CHRDL1: variants seen among roughly 807,000 people sequenced by gnomAD.
CHRDL1 encodes chordin-like protein 1.
CHRDL1 carries 19 observed loss-of-function variants against 40.9 expected under a neutral mutation model. The observed-to-expected ratio is 0.46, with a 90% CI of 0.32 to 0.68. CHRDL1 has a LOEUF of 0.68. Among genes scored for constraint, CHRDL1 ranks in the 30% least tolerant of loss-of-function variants. The pLI, the probability that CHRDL1 is intolerant of heterozygous loss-of-function variation, is 0.03. For missense variants in CHRDL1, 329 were observed against 352.1 expected (o/e 0.93, Z 0.53); for synonymous variants, 136 against 123.4 (o/e 1.10, Z -0.68).
intron 4 of CHRDL1, among the ~76,000 whole-genome samples, chrX:110,751,069 C>T (rs1390793366): frequency 9.0e-6 from 1 of 111,359 alleles, no homozygotes; most frequent in African/African-American, 3.3e-5. Context: ...CTCAATCCGA[C>T]TGCATCAGAA....
intron 5 of CHRDL1, among the ~76,000 whole-genome samples, chrX:110,721,005 G>A (rs1380961893): frequency 8.9e-6 from 1 of 111,882 alleles, no homozygotes; most frequent in Non-Finnish European, 1.9e-5. Flanking sequence ...ATTGGAGTGA[G>A]TGGCCCTAGA....
intron 8 of CHRDL1, among the ~76,000 whole-genome samples, chrX:110,690,687 T>C (rs1179680909): frequency 6.3e-5 from 7 of 111,319 alleles, no homozygotes; most frequent in Admixed American, 5.8e-4. Context: ...AGGAAAGTGA[T>C]AAGTCAAGAT....
Position 110,676,126 on chromosome X carries a change from T to C in CHRDL1, c.*105A>G, listed in dbSNP as rs1285670951. 1.2e-6 allele frequency: 1 copy of C among 835,704 alleles called. No homozygotes were observed. The highest frequency in any genetic ancestry group is 1.7e-6 in the Non-Finnish European group (1 of 590,415). 68.9% of individuals were successfully genotyped at this position (835,704 alleles called of 1,213,427 possible). A position where few individuals can be genotyped will look rare whatever the true frequency, so the allele number is the denominator to read the frequency against. On this transcript the variant is annotated 3_prime_UTR_variant, in exon 12 of 12. Coordinates refer to ENST00000372042, the MANE Select transcript of CHRDL1 (RefSeq NM_001143981.2). ...CATGGCGTGAATAATTGACTGCATT[T>C]GAGTTTGGAGTTTTAGGGCACTGTT...
At chrX:110,720,540 G>A (rs370236949) in intron 5 of CHRDL1, among the ~76,000 whole-genome samples, 1 of 111,845 alleles carries the variant, frequency 8.9e-6, no homozygotes, top group African/African-American at 3.3e-5. Context: ...GTTCTTAGAA[G>A]CACATTCTTT....
At chrX:110,771,801 T>C (rs2089765091) in intron 2 of CHRDL1, among the ~76,000 whole-genome samples, 1 of 111,346 alleles carries the variant, frequency 9.0e-6, no homozygotes, top group Non-Finnish European at 1.9e-5. Context: ...CTGGAGATAT[T>C]AGTCAGTGAA....
At chrX:110,786,636 G>A (rs186455116) in intron 2 of CHRDL1, among the ~76,000 whole-genome samples, 30 of 112,315 alleles carry the variant, frequency 2.7e-4, no homozygotes, top group African/African-American at 9.7e-4. Context: ...CAGGTCTCTT[G>A]ACTTTAAGCA....
At chrX:110,738,566 C>A (rs1001730284) in intron 4 of CHRDL1, among the ~76,000 whole-genome samples, 4 of 109,778 alleles carry the variant, frequency 3.6e-5, no homozygotes, top group Non-Finnish European at 7.6e-5. Context: ...CACGGTGAAA[C>A]CCCATCTCTC....
At chrX:110,686,500 G>A (rs1043968051) in intron 9 of CHRDL1, among the ~76,000 whole-genome samples, 1 of 111,490 alleles carries the variant, frequency 9.0e-6, no homozygotes, top group Non-Finnish European at 1.9e-5. Context: ...CCTGACAGAA[G>A]AGAAAATTGT....
rs1407298834 is a variant in CHRDL1 at position 110,689,416 on chromosome X, A to ATATATATC, written c.779-621_779-614dup. 2.6e-3 allele frequency among the ~76,000 whole-genome samples: 94 copies of ATATATATC among 36,046 alleles called. 7 individuals carry two copies. The highest frequency in any genetic ancestry group is 0.018 in the Admixed American group (79 of 4,346). 31.3% of individuals were successfully genotyped at this position (36,046 alleles called of 115,157 possible). On this transcript the variant is annotated intron_variant, in intron 8 of 11. Coordinates refer to ENST00000372042, the MANE Select transcript of CHRDL1 (RefSeq NM_001143981.2). ...CCAGCCTATATATATCTATATATCTATATATATCTATATATCTATATATCT... is the reference window on the plus strand; with the variant it reads ...CCAGCCTATATATATCTATATATCTATATATATCTATATATCTATATATCTATATATCT...
At chrX:110,698,475 T>C (rs1182267950) in intron 7 of CHRDL1, among the ~76,000 whole-genome samples, 1 of 112,193 alleles carries the variant, frequency 8.9e-6, no homozygotes, top group Non-Finnish European at 1.9e-5. Context: ...CCACAATATC[T>C]ATCCCTTTTA....
At chrX:110,758,136 A>T (rs1284611397) in intron 4 of CHRDL1, among the ~76,000 whole-genome samples, 2 of 109,863 alleles carry the variant, frequency 1.8e-5, no homozygotes. Context: ...AAAACAAAAA[A>T]AAAAAAAACA....
chrX:110,719,801 A>G, intron 6 of CHRDL1, 34 bp downstream of exon 6: 1 of 940,286 alleles, frequency 1.1e-6, no homozygotes, highest in African/African-American at 1.9e-5. Context: ...ACAGGATAGC[A>G]GCACCCAGGG....
At chrX:110,698,187 G>C (rs2070439912) in intron 7 of CHRDL1, among the ~76,000 whole-genome samples, 3 of 111,298 alleles carry the variant, frequency 2.7e-5, no homozygotes, top group Non-Finnish European at 3.8e-5. Context: ...TTGCCCTGAG[G>C]AAGTTGGGCC....
rs1339902215 is a variant in CHRDL1 at position 110,689,516 on chromosome X, C to A, written c.779-713G>T. 2.1e-4 allele frequency among the ~76,000 whole-genome samples: 7 copies of A among 34,053 alleles called. 1 individual carries two copies. The African/African-American group carries it at 2.4e-3, about 12-fold the overall frequency. The allele number at this position is 34,053 out of a possible 115,157, so 29.6% of individuals were successfully genotyped here. A position where few individuals can be genotyped will look rare whatever the true frequency, so the allele number is the denominator to read the frequency against. On this transcript the variant is annotated intron_variant, in intron 8 of 11. Transcript: ENST00000372042. ...TCTATATATCTATATATCTATATCT[C>A]TATATATCTATCTATATATCTCTAT...
chrX:110,794,323 CTCTG>C (rs753965221), intron 1 of CHRDL1, among the ~76,000 whole-genome samples: 6 of 112,025 alleles, frequency 5.4e-5, no homozygotes, highest in Non-Finnish European at 7.5e-5. Context: ...TGCATTAACT[CTCTG>C]TCTGCTTCAC....
In CHRDL1 at chrX:110,689,923, C is replaced by A. The variant is rs770041649; in HGVS notation, c.779-1120G>T. On this transcript the variant is annotated intron_variant, in intron 8 of 11. Transcript: ENST00000372042. ...TATATATCTATATATCTATATATAT[C>A]TATATATCTATATATATCTATATAT... 6.0e-3 allele frequency among the ~76,000 whole-genome samples: 79 copies of A among 13,152 alleles called. 1 individual carries two copies. Among genetic ancestry groups the A allele is most frequent in the African/African-American group, 0.018 (14 of 784 alleles). The allele number at this position is 13,152 out of a possible 115,157, so 11.4% of individuals were successfully genotyped here.
intron 4 of CHRDL1, among the ~76,000 whole-genome samples, chrX:110,756,470 A>G (rs1347699229): frequency 9.0e-6 from 1 of 110,811 alleles, no homozygotes; most frequent in African/African-American, 3.3e-5. Flanking sequence ...CCTAAAAAAC[A>G]CTGATTGTCC....
intron 2 of CHRDL1, among the ~76,000 whole-genome samples, chrX:110,781,067 A>G (rs908868564): frequency 2.7e-5 from 3 of 111,225 alleles, no homozygotes; most frequent in Non-Finnish European, 5.7e-5. Context: ...AGGACATGGT[A>G]AGAAATATTT....
At chrX:110,751,280 C>T (rs1037214491) in intron 4 of CHRDL1, among the ~76,000 whole-genome samples, 1 of 112,083 alleles carries the variant, frequency 8.9e-6, no homozygotes, top group East Asian at 2.8e-4. Context: ...AACTAAGATA[C>T]TGTATATACC....
Sources: gnomAD v4.1 joint callset for allele counts (sites outside exome capture counted in the v4.1 genomes callset) on GRCh38, gnomAD v4.1.1 for gene constraint, MANE v1.5 for transcripts, NCBI Gene and HGNC (gene_info 2026-07-23, HGNC 2026-07-21) for gene names.